The following MRTFB variants were observed in gnomAD, a reference collection of about 807,000 sequenced individuals.
MRTFB encodes the protein myocardin related transcription factor B.
A neutral mutation model predicts 104.2 loss-of-function variants in MRTFB; 29 were observed. The observed-to-expected ratio is 0.28, with a 90% CI of 0.21 to 0.38. The LOEUF is 0.38. Ranked by LOEUF, MRTFB falls within the 10% of genes least tolerant of loss-of-function variation. The probability of loss-of-function intolerance (pLI) is 1.00; values close to 1 mark genes in which losing one functional copy is unlikely to be tolerated. For synonymous variants in MRTFB, 535 were observed against 519.5 expected (o/e 1.03, Z -0.41); for missense variants, 1,270 against 1,341.6 (o/e 0.95, Z 0.83).
chr16:14,070,618 C>G (rs1482376220), upstream of MRTFB, among the ~76,000 whole-genome samples: 1 of 152,244 alleles, frequency 6.6e-6, no homozygotes, highest in Admixed American at 6.5e-5. Flanking sequence ...TTTACTGTCG[C>G]CAGCTCCATT....
the MRTFB span, among the ~76,000 whole-genome samples, chr16:14,012,249 G>T: frequency 2.1e-5 from 3 of 141,684 alleles, no homozygotes; most frequent in African/African-American, 8.1e-5. Context: ...TTTTTTTTGA[G>T]ACAGAGTCTC....
At chr16:14,189,229 T>C (rs539838467) in intron 3 of MRTFB, among the ~76,000 whole-genome samples, 2 of 152,340 alleles carry the variant, frequency 1.3e-5, no homozygotes, top group South Asian at 2.1e-4. Context: ...TTTGGAGTCA[T>C]ATAAAAATAA....
At chr16:14,101,188 T>G (rs1383514156) in intron 2 of MRTFB, among the ~76,000 whole-genome samples, 1 of 151,378 alleles carries the variant, frequency 6.6e-6, no homozygotes, top group Non-Finnish European at 1.5e-5. Context: ...TCATTTCAGA[T>G]GCTGATTTGA....
intron 15 of MRTFB, among the ~76,000 whole-genome samples, chr16:14,256,130 A>G (rs970362864): frequency 1.6e-4 from 21 of 131,718 alleles, no homozygotes; most frequent in African/African-American, 5.9e-4. Flanking sequence ...AAAAAGAAAG[A>G]AAGAAAAATT....
At chr16:14,187,021 A>G in intron 3 of MRTFB, 1 of 1,596,134 alleles carries the variant, frequency 6.3e-7, no homozygotes, top group Non-Finnish European at 8.5e-7. Flanking sequence ...AGCAACCAGA[A>G]AAGTCTCAAG....
At chr16:14,053,746 A>T in the MRTFB span, among the ~76,000 whole-genome samples, 2 of 151,792 alleles carry the variant, frequency 1.3e-5, no homozygotes, top group East Asian at 1.9e-4. Flanking sequence ...AAAAAAAAAA[A>T]ATAGTTAGGT....
intron 3 of MRTFB, among the ~76,000 whole-genome samples, chr16:14,199,567 C>T (rs1036100554): frequency 1.3e-5 from 2 of 152,192 alleles, no homozygotes; most frequent in Non-Finnish European, 2.9e-5. Context: ...GGTGCTTAAG[C>T]CTGAAACCCA....
intron 10 of MRTFB, among the ~76,000 whole-genome samples, chr16:14,242,245 G>C (rs1298681694): frequency 6.6e-6 from 1 of 152,176 alleles, no homozygotes; most frequent in East Asian, 1.9e-4. Context: ...GAATCCATCA[G>C]AGGTGTGGGC....
chr16:14,002,384 GA>G, the MRTFB span, among the ~76,000 whole-genome samples: 393 of 142,256 alleles, frequency 2.8e-3, 7 homozygotes, highest in Middle Eastern at 7.2e-3. Context: ...CTCCGTCCGG[GA>G]AAAAAAAAAA....
At chr16:14,083,936 G>T (rs192447623) in intron 2 of MRTFB, among the ~76,000 whole-genome samples, 8 of 152,188 alleles carry the variant, frequency 5.3e-5, no homozygotes, top group African/African-American at 1.7e-4. Context: ...AGATAACAAG[G>T]TTTCTAATTG....
chr16:14,238,580 G>A (rs2042626833), intron 9 of MRTFB, among the ~76,000 whole-genome samples: 1 of 152,142 alleles, frequency 6.6e-6, no homozygotes, highest in Non-Finnish European at 1.5e-5. Context: ...GGCTGAGAGA[G>A]GAGATGAGAT....
chr16:14,262,113 C>G lies in MRTFB; in HGVS notation c.*669C>G, dbSNP rs1345116271. The G allele has an allele frequency of 6.6e-6, 1 of 152,048 alleles. No homozygotes were observed. The highest frequency in any genetic ancestry group is 2.4e-5 in the African/African-American group (1 of 41,396). The allele number at this position is 152,048 out of a possible 1,614,324, so 9.4% of individuals were successfully genotyped here. A position where few individuals can be genotyped will look rare whatever the true frequency, so the allele number is the denominator to read the frequency against. ...TAAATGCAAGATCTTTCAACATAAA[C>G]AGAAGATACCTACAAAATACTGTCA... On this transcript the variant is annotated 3_prime_UTR_variant, in exon 17 of 17. Transcript: ENST00000571589.
chr16:14,107,779 A>G (rs1458814978), intron 2 of MRTFB, among the ~76,000 whole-genome samples: 2 of 152,230 alleles, frequency 1.3e-5, no homozygotes, highest in Non-Finnish European at 2.9e-5. Context: ...CACATGGGGA[A>G]CAGTTGCTGG....
At chr16:14,178,729 G>C (rs1240648448) in intron 3 of MRTFB, among the ~76,000 whole-genome samples, 1 of 152,048 alleles carries the variant, frequency 6.6e-6, no homozygotes, top group African/African-American at 2.4e-5. Flanking sequence ...CAGTGTATGG[G>C]GGGCAGGGGA....
chr16:14,162,127 G>A (rs2142910937), intron 3 of MRTFB, among the ~76,000 whole-genome samples: 1 of 126,096 alleles, frequency 7.9e-6, no homozygotes, highest in Non-Finnish European at 1.5e-5. Flanking sequence ...ACCAGCCTGA[G>A]CAACATAGGG....
In MRTFB at chr16:14,177,005, GT is replaced by G. The variant is rs2039605001; in HGVS notation, c.155-33235del. On this transcript the variant is annotated intron_variant, in intron 3 of 16. Transcript: ENST00000571589. The surrounding 1 kb of genome is among the most constrained non-coding windows in gnomAD (Gnocchi z 4.7). ...ATACTGGAACTAGTTCTTGAAGATT[GT>G]TTAAGTACAGTTTCCGTGGGCAGAG... 6.6e-6 allele frequency among the ~76,000 whole-genome samples: 1 copy of G among 152,206 alleles called. No homozygotes were observed. The highest frequency in any genetic ancestry group is 2.4e-5 in the African/African-American group (1 of 41,460).
intron 2 of MRTFB, among the ~76,000 whole-genome samples, chr16:14,138,672 G>T (rs541680571): frequency 4.0e-4 from 61 of 152,152 alleles, no homozygotes; most frequent in Admixed American, 7.2e-4. Flanking sequence ...ATAGTTGAGG[G>T]ATCAGCCAGA....
At chr16:14,238,210 C>G (rs566525016) in intron 9 of MRTFB, among the ~76,000 whole-genome samples, 1 of 152,228 alleles carries the variant, frequency 6.6e-6, no homozygotes, top group South Asian at 2.1e-4. Flanking sequence ...GAACATCCAA[C>G]AGTGCACGGG....
intron 2 of MRTFB, among the ~76,000 whole-genome samples, chr16:14,138,390 T>G (rs1322586820): frequency 1.3e-5 from 2 of 152,236 alleles, no homozygotes; most frequent in Non-Finnish European, 2.9e-5. Flanking sequence ...TCTAAGTAAG[T>G]TTTTAAAGAA....
Sources: gnomAD v4.1 joint callset for allele counts (sites outside exome capture counted in the v4.1 genomes callset) on GRCh38, gnomAD v4.1.1 for gene constraint, Gnocchi (gnomAD v3.1) non-coding constraint, MANE v1.5 for transcripts, NCBI Gene and HGNC (gene_info 2026-07-23, HGNC 2026-07-21) for gene names.